The following TNFRSF11A variants were observed in gnomAD, a reference collection of about 807,000 sequenced individuals.
The protein encoded by TNFRSF11A is TNF receptor superfamily member 11a.
TNFRSF11A carries 32 observed loss-of-function variants against 55.7 expected under a neutral mutation model. The observed-to-expected ratio is 0.57, with a 90% CI of 0.43 to 0.77. TNFRSF11A has a LOEUF of 0.77. Among genes scored for constraint, TNFRSF11A ranks in the 30% least tolerant of loss-of-function variants. The pLI is 0.00. For missense variants in TNFRSF11A, 753 were observed against 809.8 expected (o/e 0.93, Z 0.85); for synonymous variants, 311 against 331.0 (o/e 0.94, Z 0.65).
At chr18:62,359,675 C>G (rs1231139912) in intron 5 of TNFRSF11A, among the ~76,000 whole-genome samples, 1 of 152,186 alleles carries the variant, frequency 6.6e-6, no homozygotes, top group African/African-American at 2.4e-5. Context: ...CACCCAGGCA[C>G]GGCCAGAATA....
chr18:62,337,238 A>C (rs1027857949), intron 1 of TNFRSF11A, among the ~76,000 whole-genome samples: 1 of 152,232 alleles, frequency 6.6e-6, no homozygotes, highest in Admixed American at 6.5e-5. Context: ...CAAAATGGTT[A>C]ATATGGCAAA....
chr18:62,372,808 A>G (rs1427056469), intron 9 of TNFRSF11A: 1 of 152,222 alleles, frequency 6.6e-6, no homozygotes, highest in African/African-American at 2.4e-5. Context: ...AATGGCCTCC[A>G]ACTGCATCCA....
intron 7 of TNFRSF11A, among the ~76,000 whole-genome samples, chr18:62,363,688 G>T (rs1300167914): frequency 6.6e-6 from 1 of 152,126 alleles, no homozygotes; most frequent in African/African-American, 2.4e-5. Context: ...ATTTCTTAAA[G>T]AGTCTGTTCA....
intron 1 of TNFRSF11A, among the ~76,000 whole-genome samples, chr18:62,341,132 C>T (rs2046304773): frequency 6.6e-6 from 1 of 152,240 alleles, no homozygotes; most frequent in Non-Finnish European, 1.5e-5. Context: ...CTGGCAGCAG[C>T]TTTATCAGCA....
At chr18:62,349,481 C>T (rs1362603870) in intron 2 of TNFRSF11A, among the ~76,000 whole-genome samples, 1 of 152,124 alleles carries the variant, frequency 6.6e-6, no homozygotes, top group Non-Finnish European at 1.5e-5. Context: ...GTGCCTGGCC[C>T]ATCATTCTAT....
Position 62,379,841 on chromosome 18 carries a change from T to C in TNFRSF11A, c.1568-4910T>C, listed in dbSNP as rs80115267. 4.5e-3 allele frequency among the ~76,000 whole-genome samples: 679 copies of C among 152,342 alleles called. 11 individuals are homozygous for C. The East Asian group carries it at 0.058, about 13-fold the overall frequency. On this transcript the variant is annotated intron_variant, in intron 9 of 9. Transcript: ENST00000586569. ...TCACAGGATCAGTATTTTAGAAGCATAAGTGGAGAGCTTCTACAACTCAGT... is the reference window on the plus strand; with the variant it reads ...TCACAGGATCAGTATTTTAGAAGCACAAGTGGAGAGCTTCTACAACTCAGT...
At chr18:62,371,253 A>G (rs565781554) in intron 9 of TNFRSF11A, among the ~76,000 whole-genome samples, 2 of 152,342 alleles carry the variant, frequency 1.3e-5, no homozygotes, top group East Asian at 3.9e-4. Context: ...TCCTGGCCAC[A>G]CTGTCAGGGG....
intron 8 of TNFRSF11A, among the ~76,000 whole-genome samples, chr18:62,367,622 G>A (rs949408260): frequency 6.6e-6 from 1 of 152,036 alleles, no homozygotes; most frequent in African/African-American, 2.4e-5. Context: ...AAATATTTCA[G>A]TGTGTATTTA....
chr18:62,373,730 G>A (rs1259077271), intron 9 of TNFRSF11A, among the ~76,000 whole-genome samples: 1 of 152,164 alleles, frequency 6.6e-6, no homozygotes, highest in East Asian at 1.9e-4. Flanking sequence ...GGAGGCAGAA[G>A]TGACAGAGCA....
At chr18:62,344,476 C>A (rs1250961844) in intron 1 of TNFRSF11A, among the ~76,000 whole-genome samples, 1 of 152,230 alleles carries the variant, frequency 6.6e-6, no homozygotes, top group East Asian at 1.9e-4. Flanking sequence ...AGATCTGGGG[C>A]CTTATGCCCA....
intron 3 of TNFRSF11A, among the ~76,000 whole-genome samples, chr18:62,354,007 GC>G (rs1294413346): frequency 6.6e-6 from 1 of 152,144 alleles, no homozygotes; most frequent in Non-Finnish European, 1.5e-5. Context: ...GTCCAGTCTT[GC>G]GTTAGTCTTA....
chr18:62,340,983 A>G (rs1260047431), intron 1 of TNFRSF11A, among the ~76,000 whole-genome samples: 1 of 152,272 alleles, frequency 6.6e-6, no homozygotes, highest in Non-Finnish European at 1.5e-5. Context: ...TGGTTTGTAC[A>G]AAAGAAACAT....
At chr18:62,376,000 A>T (rs1238347159) in intron 9 of TNFRSF11A, among the ~76,000 whole-genome samples, 1 of 152,158 alleles carries the variant, frequency 6.6e-6, no homozygotes, top group African/African-American at 2.4e-5. Flanking sequence ...TGCTGATTTC[A>T]TTTATTTACT....
intron 3 of TNFRSF11A, among the ~76,000 whole-genome samples, chr18:62,350,996 T>C (rs1029794744): frequency 6.9e-6 from 1 of 145,570 alleles, no homozygotes; most frequent in African/African-American, 2.5e-5. Context: ...TATTTCTTTT[T>C]TCTTTCTTTT....
Position 62,383,976 on chromosome 18 carries a change from G to C in TNFRSF11A, c.1568-775G>C, listed in dbSNP as rs1911472332. On this transcript the variant is annotated intron_variant, in intron 9 of 9. Coordinates refer to ENST00000586569, the MANE Select transcript of TNFRSF11A (RefSeq NM_003839.4). The surrounding 1 kb of genome is among the most constrained non-coding windows in gnomAD (Gnocchi z 4.2). ...GAACCAAGGCACCCACGGTGATGGG[G>C]CCTCAGATGTGAGTCCAGAGAGGAG... Among the ~76,000 whole-genome samples, 7 of 152,036 alleles carry C rather than the reference G, an allele frequency of 4.6e-5. No homozygotes were observed. The highest frequency in any genetic ancestry group is 4.6e-4 in the Admixed American group (7 of 15,278).
intron 1 of TNFRSF11A, chr18:62,336,479 C>G (rs776452212): frequency 6.6e-6 from 1 of 152,246 alleles, no homozygotes; most frequent in Non-Finnish European, 1.5e-5. Context: ...CCTAGAGGGA[C>G]GTGGCCTCCA....
intron 3 of TNFRSF11A, among the ~76,000 whole-genome samples, chr18:62,352,720 G>A (rs2046491890): frequency 6.6e-6 from 1 of 152,174 alleles, no homozygotes; most frequent in African/African-American, 2.4e-5. Flanking sequence ...TTGTGGACAT[G>A]TTTTTGCATT....
intron 9 of TNFRSF11A, among the ~76,000 whole-genome samples, chr18:62,373,509 A>AT (rs1910695236): frequency 6.6e-6 from 1 of 152,212 alleles, no homozygotes; most frequent in African/African-American, 2.4e-5. Context: ...TCTTTCTAGT[A>AT]TCTCAATATG....
At chr18:62,332,397 C>G (rs1269422945) in intron 1 of TNFRSF11A, among the ~76,000 whole-genome samples, 1 of 152,216 alleles carries the variant, frequency 6.6e-6, no homozygotes, top group African/African-American at 2.4e-5. Context: ...ACTTCATAGT[C>G]AGATATACAA....
Sources: allele counts gnomAD v4.1 joint callset (sites outside exome capture counted in the v4.1 genomes callset), GRCh38; gene constraint gnomAD v4.1.1; non-coding constraint Gnocchi (gnomAD v3.1); transcripts MANE v1.5; gene names NCBI Gene and HGNC (gene_info 2026-07-23, HGNC 2026-07-21).